Variants in PEX14 observed in about 807,000 individuals in gnomAD.
PEX14 encodes the protein peroxisomal biogenesis factor 14, also known as peroxisomal membrane protein PEX14.
PEX14 carries 15 observed loss-of-function variants against 49.5 expected under a neutral mutation model. The observed-to-expected ratio is 0.30, with a 90% CI of 0.20 to 0.47. PEX14 has a LOEUF of 0.47. Ranked by LOEUF, PEX14 falls within the 20% of genes least tolerant of loss-of-function variation. The probability of loss-of-function intolerance (pLI) is 1.00; values close to 1 mark genes in which losing one functional copy is unlikely to be tolerated. For synonymous variants in PEX14, 210 were observed against 212.7 expected (o/e 0.99, Z 0.11); for missense variants, 398 against 494.8 (o/e 0.80, Z 1.86).
intron 2 of PEX14, among the ~76,000 whole-genome samples, chr1:10,530,512 C>G (rs1638617000): frequency 6.6e-6 from 1 of 152,196 alleles, no homozygotes; most frequent in African/African-American, 2.4e-5. Context: ...AGGTTATTCC[C>G]CTCTTGCCAT....
At chr1:10,520,172 A>G (rs1258015411) in intron 2 of PEX14, among the ~76,000 whole-genome samples, 1 of 60,458 alleles carries the variant, frequency 1.7e-5, no homozygotes, top group African/African-American at 8.2e-5. Context: ...TGTTTTTTTA[A>G]CTAGAGACAA....
intron 3 of PEX14, among the ~76,000 whole-genome samples, chr1:10,560,718 C>CATTT (rs1639627583): frequency 7.7e-6 from 1 of 129,092 alleles, no homozygotes. Context: ...ATTTTGCCAC[C>CATTT]TTTTTTTTTT....
chr1:10,566,270 C>A (rs940764932), intron 3 of PEX14, among the ~76,000 whole-genome samples: 10 of 152,144 alleles, frequency 6.6e-5, no homozygotes, highest in Admixed American at 6.5e-4. Flanking sequence ...TTTTTATTTC[C>A]GTATCTACAA....
chr1:10,562,411 G>T (rs1639676404), intron 3 of PEX14, among the ~76,000 whole-genome samples: 1 of 152,182 alleles, frequency 6.6e-6, no homozygotes, highest in South Asian at 2.1e-4. Flanking sequence ...ATCGTGAGTT[G>T]CATGATTGTC....
chr1:10,538,362 G>C (rs947557008), intron 3 of PEX14, among the ~76,000 whole-genome samples: 2 of 152,198 alleles, frequency 1.3e-5, no homozygotes, highest in African/African-American at 4.8e-5. Context: ...AGAGTTTTTA[G>C]AATTTTAGGC....
intron 2 of PEX14, among the ~76,000 whole-genome samples, chr1:10,532,131 A>G (rs776497615): frequency 2.0e-5 from 3 of 152,168 alleles, no homozygotes; most frequent in Non-Finnish European, 4.4e-5. Flanking sequence ...TCAATTGGCC[A>G]GTCATCTTAG....
chr1:10,610,202 C>G lies in PEX14; in HGVS notation c.299-8130C>G, dbSNP rs1021131482. Among the ~76,000 whole-genome samples the G allele has an allele frequency of 8.1e-5, 12 of 148,480 alleles. No individual in the cohort carries two copies. The South Asian group carries it at 2.3e-3, about 29-fold the overall frequency. On this transcript the variant is annotated intron_variant, in intron 4 of 8. Coordinates refer to ENST00000356607, the MANE Select transcript of PEX14 (RefSeq NM_004565.3). The stretch of plus-strand genomic sequence containing the variant: ...TTCATGGTTTTTGCATCCTAAGAAG[C>G]CTTTGTCTACCCCAAGGTTGAAGAG...
chr1:10,520,167 T>TTG, intron 2 of PEX14, among the ~76,000 whole-genome samples: 1 of 147,220 alleles, frequency 6.8e-6, no homozygotes, highest in African/African-American at 2.6e-5. Context: ...TTTTTTGTTT[T>TTG]TTTAACTAGA....
In PEX14 at chr1:10,630,564, A is replaced by G. The variant is rs908820568; in HGVS notation, c.*577A>G. The G allele has an allele frequency of 6.4e-6, 1 of 156,118 alleles. No individual in the cohort carries two copies. The highest frequency in any genetic ancestry group is 1.4e-5 in the Non-Finnish European group (1 of 70,400). 9.7% of individuals were successfully genotyped at this position (156,118 alleles called of 1,614,324 possible). On this transcript the variant is annotated 3_prime_UTR_variant, in exon 9 of 9. Transcript: ENST00000356607. The surrounding 1 kb of genome is among the most constrained non-coding windows in gnomAD (Gnocchi z 4.1). The stretch of plus-strand genomic sequence containing the variant: ...TTCCGATGCCCCCGCTTGCCGTGTA[A>G]TGGTTCAGCTAATCCCATGGCGAGA...
intron 2 of PEX14, among the ~76,000 whole-genome samples, chr1:10,524,033 G>A (rs1638387634): frequency 6.6e-6 from 1 of 152,098 alleles, no homozygotes; most frequent in African/African-American, 2.4e-5. Context: ...ATTTGATTGT[G>A]AGCACTTTTC....
chr1:10,475,854 A>G (rs773637006), intron 1 of PEX14, among the ~76,000 whole-genome samples: 2 of 152,154 alleles, frequency 1.3e-5, no homozygotes, highest in Non-Finnish European at 2.9e-5. Flanking sequence ...CACAAATTAC[A>G]TCTATTATCT....
intron 1 of PEX14, among the ~76,000 whole-genome samples, chr1:10,492,321 TG>T (rs1641487627): frequency 6.6e-6 from 1 of 152,232 alleles, no homozygotes; most frequent in Non-Finnish European, 1.5e-5. Context: ...TAAGTCAGAA[TG>T]GGGCTTCCTA....
At position 10,630,171 on chromosome 1, in the gene PEX14, T is replaced by G; in HGVS notation, c.*184T>G. ...TCACACTTCTGTCCACCTGGCCTCC[T>G]CTCGCCTGGCCGCCAGCCCCAGCCC... On this transcript the variant is annotated 3_prime_UTR_variant, in exon 9 of 9. Coordinates refer to ENST00000356607, the MANE Select transcript of PEX14 (RefSeq NM_004565.3). The surrounding 1 kb of genome is among the most constrained non-coding windows in gnomAD (Gnocchi z 4.1). 1.0e-6 allele frequency: 1 copy of G among 960,308 alleles called. No homozygotes were observed. The highest frequency in any genetic ancestry group is 1.7e-5 in the South Asian group (1 of 57,360). 59.5% of individuals were successfully genotyped at this position (960,308 alleles called of 1,614,324 possible).
In PEX14 at chr1:10,495,483, G is replaced by A. The variant is rs1033704869; in HGVS notation, c.84+162G>A. Among the ~76,000 whole-genome samples the A allele has an allele frequency of 3.9e-5, 6 of 152,176 alleles. No individual in the cohort carries two copies. Among genetic ancestry groups the A allele is most frequent in the Admixed American group, 2.0e-4 (3 of 15,276 alleles). On this transcript the variant is annotated intron_variant, in intron 2 of 8. Coordinates refer to ENST00000356607, the MANE Select transcript of PEX14 (RefSeq NM_004565.3). The surrounding 1 kb of genome is among the most constrained non-coding windows in gnomAD (Gnocchi z 4.2). ...AGTGACCTCTGACTTCTCTTCTCGC[G>A]TGTGGGGACGAGTGAGATCTCTCCT...
chr1:10,584,848 G>T (rs1256923002), intron 3 of PEX14, among the ~76,000 whole-genome samples: 1 of 152,188 alleles, frequency 6.6e-6, no homozygotes, highest in African/African-American at 2.4e-5. Flanking sequence ...TGGCAGGAAA[G>T]AATGAAGGAC....
At chr1:10,488,738 C>CAG (rs1553182238) in intron 1 of PEX14, among the ~76,000 whole-genome samples, 1 of 147,520 alleles carries the variant, frequency 6.8e-6, no homozygotes, top group East Asian at 2.1e-4. Context: ...CTCCTGACCT[C>CAG]GTGATCCATC....
At chr1:10,568,197 A>G (rs1639864643) in intron 3 of PEX14, among the ~76,000 whole-genome samples, 1 of 152,188 alleles carries the variant, frequency 6.6e-6, no homozygotes, top group African/African-American at 2.4e-5. Context: ...GAACAGTGAT[A>G]AATAAAACTG....
chr1:10,542,124 A>G (rs1185714856), intron 3 of PEX14, among the ~76,000 whole-genome samples: 15 of 152,208 alleles, frequency 9.9e-5, no homozygotes, highest in African/African-American at 2.2e-4. Context: ...AGGCATATAC[A>G]TGGTCTTAAA....
chr1:10,492,066 G>A (rs764616573), intron 1 of PEX14, among the ~76,000 whole-genome samples: 12 of 152,178 alleles, frequency 7.9e-5, no homozygotes, highest in Admixed American at 3.3e-4. Flanking sequence ...GGGTTGGAAT[G>A]AGAGGGAAGC....
Sources: allele counts gnomAD v4.1 joint callset (sites outside exome capture counted in the v4.1 genomes callset), GRCh38; gene constraint gnomAD v4.1.1; non-coding constraint Gnocchi (gnomAD v3.1); transcripts MANE v1.5; gene names NCBI Gene and HGNC (gene_info 2026-07-23, HGNC 2026-07-21).